ZFPM1: variants seen among roughly 807,000 people sequenced by gnomAD.
ZFPM1 encodes the protein zinc finger protein ZFPM1.
In ZFPM1, 28 loss-of-function variants were observed where a neutral mutation model predicts 46.3. The ratio of observed to expected loss-of-function variants is 0.60; its 90% CI spans 0.45 to 0.83. The LOEUF (loss-of-function observed/expected upper bound fraction) is 0.83. Ranked by LOEUF, ZFPM1 falls within the 40% of genes least tolerant of loss-of-function variation. ZFPM1 has a pLI of 0.00. For missense variants in ZFPM1, 1,878 were observed against 1,432.4 expected (o/e 1.31, Z -5.02); for synonymous variants, 957 against 675.9 (o/e 1.42, Z -6.45).
upstream of ZFPM1, among the ~76,000 whole-genome samples, chr16:88,452,584 C>T (rs964719847): frequency 6.6e-6 from 1 of 152,280 alleles, no homozygotes; most frequent in Non-Finnish European, 1.5e-5. Context: ...AGCCCCCTCC[C>T]TGGCCCGAAT....
chr16:88,461,940 T>C (rs4426338), intron 1 of ZFPM1, among the ~76,000 whole-genome samples: 61,704 of 152,158 alleles, frequency 0.41, 13,526 homozygotes, highest in African/African-American at 0.56. Flanking sequence ...CCGTGGACCC[T>C]GGGGGTGGGC....
At chr16:88,524,160 A>C (rs1467820228) in intron 4 of ZFPM1, among the ~76,000 whole-genome samples, 1 of 152,100 alleles carries the variant, frequency 6.6e-6, no homozygotes, top group African/African-American at 2.4e-5. Context: ...AAGCAGATTA[A>C]TTTTTTTCAC....
At position 88,510,406 on chromosome 16, in the gene ZFPM1, C is replaced by G. The variant is rs543386308; in HGVS notation, c.269-3981C>G. ...TCCTCGGTCCCCCACTGCTTCCATC[C>G]CCATGGGGTGTAATCGGAGGGCTTT... is the stretch of plus-strand genomic sequence containing the variant. On this transcript the variant is annotated intron_variant, in intron 3 of 9. Coordinates refer to ENST00000319555, the MANE Select transcript of ZFPM1 (RefSeq NM_153813.3). 2.6e-5 allele frequency among the ~76,000 whole-genome samples: 4 copies of G among 152,360 alleles called. No homozygotes were observed. In the South Asian group the frequency reaches 8.3e-4, roughly 32 times the overall value.
intron 1 of ZFPM1, among the ~76,000 whole-genome samples, chr16:88,463,851 G>C (rs961550112): frequency 6.6e-6 from 1 of 152,226 alleles, no homozygotes. Flanking sequence ...TCCTCTGGCT[G>C]TGTGACCCTG....
At chr16:88,463,754 T>G (rs1408434664) in intron 1 of ZFPM1, among the ~76,000 whole-genome samples, 1 of 152,192 alleles carries the variant, frequency 6.6e-6, no homozygotes, top group Non-Finnish European at 1.5e-5. Context: ...CTGCTCCCGC[T>G]GGGCCAGGGG....
intron 3 of ZFPM1, among the ~76,000 whole-genome samples, chr16:88,495,984 G>A (rs1909909965): frequency 6.6e-6 from 1 of 152,174 alleles, no homozygotes; most frequent in South Asian, 2.1e-4. Flanking sequence ...AGGCTCCGGG[G>A]CAGGCTCCCA....
At position 88,534,972 on chromosome 16, in the gene ZFPM1, T is replaced by A; in HGVS notation, c.3014T>A (p.Val1005Glu). 6.9e-7 allele frequency: 1 copy of A among 1,445,578 alleles called. No individual in the cohort carries two copies. The highest frequency in any genetic ancestry group is 9.2e-7 in the Non-Finnish European group (1 of 1,085,232). The allele number at this position is 1,445,578 out of a possible 1,614,324, so 89.5% of individuals were successfully genotyped here. The change falls in exon 10 of 10, where the codon GTG (valine) becomes GAG (glutamate). Residue 1005 changes from valine to glutamate, a missense_variant. Transcript: ENST00000319555. Reference sequence around the variant, plus strand: ...TGCTCCTCGCACGCCGCCGAGCACGTGAAGTGAGCGCCCACACTACAGCCG... The same window carrying A: ...TGCTCCTCGCACGCCGCCGAGCACGAGAAGTGAGCGCCCACACTACAGCCG... ...YYCSSHAAEH[V>E]K
chr16:88,455,354 C>G (rs1907496946), intron 1 of ZFPM1, among the ~76,000 whole-genome samples: 1 of 152,118 alleles, frequency 6.6e-6, no homozygotes, highest in Non-Finnish European at 1.5e-5. Flanking sequence ...TGAGCCACCG[C>G]GGCCCATCCT....
chr16:88,507,677 G>C (rs1168215663), intron 3 of ZFPM1, among the ~76,000 whole-genome samples: 3 of 152,216 alleles, frequency 2.0e-5, no homozygotes, highest in Non-Finnish European at 4.4e-5. Context: ...CGGCAGATGT[G>C]GGCCTCGGGG....
At chr16:88,505,646 C>T (rs1910608611) in intron 3 of ZFPM1, among the ~76,000 whole-genome samples, 2 of 152,144 alleles carry the variant, frequency 1.3e-5, no homozygotes, top group Admixed American at 6.5e-5. Flanking sequence ...CCATACCTGG[C>T]ATCTACCATT....
intron 1 of ZFPM1, among the ~76,000 whole-genome samples, chr16:88,458,771 G>A (rs556399652): frequency 6.6e-6 from 1 of 152,284 alleles, no homozygotes; most frequent in East Asian, 1.9e-4. Context: ...TTTCACAGAG[G>A]GGGAAACTGA....
chr16:88,517,614 G>A (rs1270602213), intron 4 of ZFPM1, among the ~76,000 whole-genome samples: 2 of 151,548 alleles, frequency 1.3e-5, no homozygotes, highest in Non-Finnish European at 2.9e-5. Context: ...TGGATGGACA[G>A]GTGGATGGAT....
At chr16:88,517,179 TAG>T (rs1911357089) in intron 4 of ZFPM1, among the ~76,000 whole-genome samples, 1 of 121,834 alleles carries the variant, frequency 8.2e-6, no homozygotes, top group Admixed American at 9.4e-5. Context: ...GATGGATGGG[TAG>T]ATGGATGGAT....
intron 1 of ZFPM1, among the ~76,000 whole-genome samples, chr16:88,475,972 A>G (rs1908664649): frequency 1.3e-5 from 2 of 152,166 alleles, no homozygotes; most frequent in African/African-American, 4.8e-5. Flanking sequence ...GGTCAGCCAC[A>G]GGAAGAAGTG....
intron 1 of ZFPM1, among the ~76,000 whole-genome samples, chr16:88,460,130 G>T (rs1286451502): frequency 6.6e-6 from 1 of 152,130 alleles, no homozygotes; most frequent in African/African-American, 2.4e-5. Context: ...GCAGCGAGGA[G>T]GGGCTGAGAT....
chr16:88,515,879 G>A lies in ZFPM1; in HGVS notation c.402+1359G>A, dbSNP rs2142435165. Among the ~76,000 whole-genome samples the A allele has an allele frequency of 1.3e-5, 2 of 152,286 alleles. 1 individual carries two copies. The highest frequency in any genetic ancestry group is 4.1e-4 in the South Asian group (2 of 4,826). On this transcript the variant is annotated intron_variant, in intron 4 of 9. Coordinates refer to ENST00000319555, the MANE Select transcript of ZFPM1 (RefSeq NM_153813.3). ...ATCCTTCTGGGGTGCTGGGATGTGG[G>A]GATCTTGGCAGGCATTTATGGTTGC...
In ZFPM1 at chr16:88,534,807, C is replaced by T. The variant is rs373519197; in HGVS notation, c.2849C>T (p.Pro950Leu). ...GCCGTGCCGCCCCCGCCGGCGCCCC[C>T]CTCCTACTCGGACAAGGGCGTCCAG... Reference protein sequence around the residue: ...PEAVPPPPAPPSYSDKGVQTP... With the variant: ...PEAVPPPPAPLSYSDKGVQTP... Residue 950 changes from proline to leucine, a missense_variant, in exon 10 of 10, where the codon CCC becomes CTC. By Grantham distance (98) the Pro-to-Leu change is moderately conservative. Coordinates refer to ENST00000319555, the MANE Select transcript of ZFPM1 (RefSeq NM_153813.3). 8 of 1,423,632 alleles carry T rather than the reference C, an allele frequency of 5.6e-6. No homozygotes were observed. The highest frequency in any genetic ancestry group is 2.8e-5 in the East Asian group (1 of 36,224). The allele number at this position is 1,423,632 out of a possible 1,614,324, so 88.2% of individuals were successfully genotyped here. A position where few individuals can be genotyped will look rare whatever the true frequency, so the allele number is the denominator to read the frequency against.
chr16:88,454,324 C>T (rs1907438136), intron 1 of ZFPM1, among the ~76,000 whole-genome samples: 2 of 152,194 alleles, frequency 1.3e-5, no homozygotes, highest in Non-Finnish European at 2.9e-5. Context: ...CCAGACACCC[C>T]CACCCCGTGC....
At chr16:88,453,122 G>A (rs1185589003), upstream of ZFPM1, among the ~76,000 whole-genome samples, 6 of 149,998 alleles carry the variant, frequency 4.0e-5, no homozygotes, top group Admixed American at 2.6e-4. Flanking sequence ...CCAGAGCAAC[G>A]AAGAGCCGGG....
Sources: gnomAD v4.1 joint callset for allele counts (sites outside exome capture counted in the v4.1 genomes callset) on GRCh38, gnomAD v4.1.1 for gene constraint, MANE v1.5 for transcripts, NCBI Gene and HGNC (gene_info 2026-07-23, HGNC 2026-07-21) for gene names.